Variants in GPRC6A observed in about 807,000 individuals in gnomAD.
GPRC6A encodes the protein G protein-coupled receptor class C group 6 member A.
In GPRC6A, 54 loss-of-function variants were observed where a neutral mutation model predicts 47.0. The observed-to-expected ratio is 1.15, with a 90% confidence interval of 0.92 to 1.44. The LOEUF (loss-of-function observed/expected upper bound fraction) is 1.44, where lower values mean the gene tolerates loss of function less well. Among genes scored for constraint, GPRC6A ranks in the 40% most tolerant of loss-of-function variants. The pLI is 0.00. For synonymous variants in GPRC6A, 347 were observed against 377.1 expected, an observed-to-expected ratio of 0.92 and a Z score of 0.93; for missense variants, 1,112 against 1,105.5, an observed-to-expected ratio of 1.01 and a Z score of -0.08.
rs774925541 is a variant in GPRC6A at position 116,800,779 on chromosome 6, T to G, written c.1353A>C (p.Lys451Asn). Reference sequence around the variant, plus strand: ...TCCATCCATCAGTGAATGTCACATTTTTTAGCACACCAAGTAACTATAAAA... The same window carrying G: ...TCCATCCATCAGTGAATGTCACATTGTTTAGCACACCAAGTAACTATAAAA... ...FQPWELLGVL[K>N]NVTFTDGWNS... Residue 451 changes from lysine to asparagine, a missense_variant, in exon 4 of 6, where the codon AAA becomes AAC. Coordinates refer to ENST00000310357, the MANE Select transcript of GPRC6A (RefSeq NM_148963.4). 2.5e-6 allele frequency: 4 copies of G among 1,605,748 alleles called. No homozygotes were observed. The highest frequency in any genetic ancestry group is 1.7e-6 in the Non-Finnish European group (2 of 1,173,922).
intron 1 of GPRC6A, among the ~76,000 whole-genome samples, chr6:116,820,391 C>A (rs1773421925): frequency 6.6e-6 from 1 of 151,976 alleles, no homozygotes; most frequent in Admixed American, 6.6e-5. Flanking sequence ...CAAAGCTGGG[C>A]AGAGACACAA....
chr6:116,806,417 A>G lies in GPRC6A; in HGVS notation c.1288T>C (p.Cys430Arg). ...GGGTTCTGACAGTCACGAGCTTGAC[A>G]CAGATCCCGAATGGCATAACCAAGG... ...FALGYAIRDL[C>R]QARDCQNPNA... The change falls in exon 3 of 6, where the codon TGT becomes CGT. Residue 430 changes from cysteine (C) to arginine (R), a missense_variant. Cys to Arg is a radical substitution (Grantham distance 180). Coordinates refer to ENST00000310357, the MANE Select transcript of GPRC6A (RefSeq NM_148963.4). 6.2e-7 allele frequency: 1 copy of G among 1,613,360 alleles called. No individual in the cohort carries two copies. The highest frequency in any genetic ancestry group is 8.5e-7 in the Non-Finnish European group (1 of 1,179,594).
At chr6:116,809,880 A>G (rs1027152618) in intron 1 of GPRC6A, among the ~76,000 whole-genome samples, 6 of 152,180 alleles carry the variant, frequency 3.9e-5, no homozygotes, top group Non-Finnish European at 8.8e-5. Flanking sequence ...GAACACTGCA[A>G]TATGAAGATG....
chr6:116,814,990 A>G (rs1044511974), intron 1 of GPRC6A, among the ~76,000 whole-genome samples: 2 of 152,166 alleles, frequency 1.3e-5, no homozygotes, highest in African/African-American at 4.8e-5. Context: ...AAAGAAGGTC[A>G]TTATATAATG....
rs376547634 is a variant in GPRC6A at position 116,828,986 on chromosome 6, A to T, written c.28T>A (p.Cys10Ser). The T allele has an allele frequency of 6.2e-7, 1 of 1,612,612 alleles. No individual in the cohort carries two copies. The highest frequency in any genetic ancestry group is 1.3e-5 in the African/African-American group (1 of 74,884). ...GAAGTAGCAAGAATAATCACAAAGCAGGTAATTAGTATAATTAAGAATGCC... is the reference window on the plus strand; with the variant it reads ...GAAGTAGCAAGAATAATCACAAAGCTGGTAATTAGTATAATTAAGAATGCC... Reference protein sequence around the residue: MAFLIILITCFVIILATSQP... With the variant: MAFLIILITSFVIILATSQP... The change falls in exon 1 of 6, where the codon TGC becomes AGC. Residue 10 changes from cysteine to serine, a missense_variant. Transcript: ENST00000310357.
intron 5 of GPRC6A, 59 bp downstream of exon 5, chr6:116,795,653 C>T: frequency 7.5e-7 from 1 of 1,340,114 alleles, no homozygotes; most frequent in South Asian, 2.0e-5. Flanking sequence ...AAAATTCATG[C>T]AAAGAAAAAA....
chr6:116,821,006 CAA>C (rs1773453715), intron 1 of GPRC6A, among the ~76,000 whole-genome samples: 1 of 151,696 alleles, frequency 6.6e-6, no homozygotes, highest in Non-Finnish European at 1.5e-5. Flanking sequence ...GCAACTTCAG[CAA>C]AGTCTCAGGA....
Position 116,792,219 on chromosome 6 carries a change from C to G in GPRC6A, c.2704G>C (p.Ala902Pro), listed in dbSNP as rs144545899. 6.2e-5 allele frequency: 100 copies of G among 1,613,994 alleles called. No homozygotes were observed. In the African/African-American group the frequency reaches 1.3e-3, roughly 21 times the overall value. The stretch of plus-strand genomic sequence containing the variant: ...TTTTCCCTGCATATGTGTGCAAATG[C>G]TTGTGCCTGAAGATCTTTGCTTTTC... ...WQKSKDLQAQ[A>P]FAHICRENAT... Residue 902 changes from alanine to proline, a missense_variant, in exon 6 of 6, where the codon GCA becomes CCA. Physicochemically the swap from Ala to Pro is conservative, Grantham distance 27. Transcript: ENST00000310357.
chr6:116,795,464 G>A (rs186941628), intron 5 of GPRC6A, among the ~76,000 whole-genome samples: 47 of 152,176 alleles, frequency 3.1e-4, no homozygotes, highest in Admixed American at 8.5e-4. Context: ...AAATATGAGC[G>A]AAGCGATAAC....
chr6:116,794,575 C>T (rs938563537), intron 5 of GPRC6A, among the ~76,000 whole-genome samples: 6 of 152,104 alleles, frequency 3.9e-5, no homozygotes, highest in South Asian at 2.1e-4. Flanking sequence ...GGGTCCCGTA[C>T]GTCTTTATGG....
At chr6:116,802,892 G>A (rs921457643) in intron 3 of GPRC6A, among the ~76,000 whole-genome samples, 5 of 152,078 alleles carry the variant, frequency 3.3e-5, no homozygotes, top group Admixed American at 6.6e-5. Flanking sequence ...GTGTATATCA[G>A]TACCTAGAAC....
At position 116,809,297 on chromosome 6, in the gene GPRC6A, G is replaced by T; in HGVS notation, c.498+17C>A. 1.9e-6 allele frequency: 3 copies of T among 1,598,140 alleles called. No individual in the cohort carries two copies. The highest frequency in any genetic ancestry group is 2.6e-6 in the Non-Finnish European group (3 of 1,167,878). Reference sequence around the variant, plus strand: ...AATGTGATCAAAAGCAATGTTTGGAGGTAGCACAAAACCTACCTGTGGCAT... The same window carrying T: ...AATGTGATCAAAAGCAATGTTTGGATGTAGCACAAAACCTACCTGTGGCAT... On this transcript the variant is annotated intron_variant, in intron 2 of 5. Coordinates refer to ENST00000310357, the MANE Select transcript of GPRC6A (RefSeq NM_148963.4).
At chr6:116,807,580 A>G (rs1337677020) in intron 2 of GPRC6A, among the ~76,000 whole-genome samples, 1 of 152,168 alleles carries the variant, frequency 6.6e-6, no homozygotes, top group Non-Finnish European at 1.5e-5. Flanking sequence ...TGTGTGCAAA[A>G]TCTTGTCTAA....
rs111974433 is a variant in GPRC6A, at chr6:116,792,602, T to TTCC, written c.2320_2321insGGA (p.Gly773_Lys774insArg). ...TTTGGCTTCATTGTAATTCTCATAT[T>TTCC]TGCCTTTGAAAGCAAATATGAAGCA... is the stretch of plus-strand genomic sequence containing the variant. On this transcript the variant is annotated inframe_insertion, in exon 6 of 6. Transcript: ENST00000310357. 143,887 of 1,612,534 alleles carry TTCC rather than the reference T, an allele frequency of 0.089. 10,381 individuals carry two copies. The highest frequency in any genetic ancestry group is 0.37 in the African/African-American group (27,971 of 74,866).
At position 116,792,142 on chromosome 6, in the gene GPRC6A, T is replaced by A; in HGVS notation, c.2781A>T (p.Ter927CysextTer11). ...TLPRKRMSSI* is the reference protein window; with the variant it reads ...TLPRKRMSSIC The stretch of plus-strand genomic sequence containing the variant: ...GAATGTGGCATCTCCTAAGGCTTAT[T>A]CATATACTTGACATTCTTTTTCGAG... The change falls in exon 6 of 6, where the codon TGA becomes TGT. Residue 927 changes from the stop codon to cysteine (C), a stop_lost. Coordinates refer to ENST00000310357, the MANE Select transcript of GPRC6A (RefSeq NM_148963.4). The A allele has an allele frequency of 6.2e-7, 1 of 1,610,012 alleles. No individual in the cohort carries two copies. Among genetic ancestry groups the A allele is most frequent in the Non-Finnish European group, 8.5e-7 (1 of 1,177,734 alleles).
intron 1 of GPRC6A, among the ~76,000 whole-genome samples, chr6:116,818,877 T>C (rs1773348668): frequency 6.6e-6 from 1 of 151,742 alleles, no homozygotes; most frequent in Admixed American, 6.6e-5. Flanking sequence ...TAAATGTAAA[T>C]GGACTAAATG....
In GPRC6A at chr6:116,792,165, G is replaced by A. The variant is rs774590151; in HGVS notation, c.2758C>T (p.Arg920Ter). Residue 920 changes from arginine (R) to a stop codon, truncating the protein, a stop_gained, in exon 6 of 6, where the codon CGA (arginine) becomes TGA (stop). Coordinates refer to ENST00000310357, the MANE Select transcript of GPRC6A (RefSeq NM_148963.4). LOFTEE classifies it high-confidence loss of function. ...ATTCATATACTTGACATTCTTTTTC[G>A]AGGCAAAGTTTTAGATACACTTGTG... is the stretch of plus-strand genomic sequence containing the variant. ...NATSVSKTLP[R>*]KRMSSI 3.7e-5 allele frequency: 60 copies of A among 1,612,540 alleles called. No individual in the cohort carries two copies. The highest frequency in any genetic ancestry group is 5.0e-5 in the Non-Finnish European group (59 of 1,179,306).
At position 116,813,446 on chromosome 6, in the gene GPRC6A, T is replaced by C. The variant is rs181683790; in HGVS notation, c.195-3829A>G. 1.4e-4 allele frequency among the ~76,000 whole-genome samples: 22 copies of C among 152,208 alleles called. 1 individual carries two copies. The East Asian group carries it at 2.9e-3, about 20-fold the overall frequency. On this transcript the variant is annotated intron_variant, in intron 1 of 5. Coordinates refer to ENST00000310357, the MANE Select transcript of GPRC6A (RefSeq NM_148963.4). ...TGGAACAGAACAGCGGCCTCAGGAA[T>C]AATACTACACATCTACAATCATCTG...
chr6:116,828,864 G>A lies in GPRC6A; in HGVS notation c.150C>T (p.Ser50=), dbSNP rs777864358. ...GLFAIHEKML[S]SEDSPRRPQI... ...GTGGTCGTCTGGGAGAGTCTTCTGA[G>A]GACAACATTTTTTCATGAATAGCAA... The change falls in exon 1 of 6, where the codon TCC becomes TCT. Residue 50 remains serine (S), a synonymous_variant. Coordinates refer to ENST00000310357, the MANE Select transcript of GPRC6A (RefSeq NM_148963.4). 18 of 1,613,134 alleles carry A rather than the reference G, an allele frequency of 1.1e-5. No homozygotes were observed. Among genetic ancestry groups the A allele is most frequent in the Admixed American group, 8.4e-5 (5 of 59,848 alleles).
Sources: allele counts gnomAD v4.1 joint callset (sites outside exome capture counted in the v4.1 genomes callset), GRCh38; gene constraint gnomAD v4.1.1; transcripts MANE v1.5; gene names NCBI Gene and HGNC (gene_info 2026-07-23, HGNC 2026-07-21).